The following XXYLT1 variants were observed in gnomAD, a reference collection of about 807,000 sequenced individuals.
The protein encoded by XXYLT1 is UDP-xylose:alpha-xyloside alpha-1,3-xylosyltransferase.
In XXYLT1, 20 loss-of-function variants were observed where a neutral mutation model predicts 28.9. The observed-to-expected ratio is 0.69, with a 90% confidence interval of 0.49 to 1.00. The LOEUF (loss-of-function observed/expected upper bound fraction) is 1.00, where lower values mean the gene tolerates loss of function less well. Ranked by LOEUF, XXYLT1 falls within the 50% of genes least tolerant of loss-of-function variation. The pLI, the probability that XXYLT1 is intolerant of heterozygous loss-of-function variation, is 0.00. For synonymous variants in XXYLT1, 257 were observed against 253.8 expected (o/e 1.01, Z -0.12); for missense variants, 542 against 560.1 (o/e 0.97, Z 0.33).
Position 195,078,248 on chromosome 3 carries a change from G to A in XXYLT1, c.786-8137C>T, listed in dbSNP as rs143730579. The stretch of plus-strand genomic sequence containing the variant: ...ATAAGCAGAGAGCACCAAGCAGGTG[G>A]TACGGAATTCTGGAGAGTTCTGACA... On this transcript the variant is annotated intron_variant, in intron 3 of 3. Coordinates refer to ENST00000310380, the MANE Select transcript of XXYLT1 (RefSeq NM_152531.5). The surrounding 1 kb of genome is among the most constrained non-coding windows in gnomAD (Gnocchi z 5.0). Among the ~76,000 whole-genome samples, 1 of 152,156 alleles carries A rather than the reference G, an allele frequency of 6.6e-6. No homozygotes were observed. Among genetic ancestry groups the A allele is most frequent in the African/African-American group, 2.4e-5 (1 of 41,518 alleles).
At chr3:195,269,283 A>T (rs1317442942) in intron 1 of XXYLT1, among the ~76,000 whole-genome samples, 1 of 152,180 alleles carries the variant, frequency 6.6e-6, no homozygotes, top group Non-Finnish European at 1.5e-5. Context: ...GAACTAGTGC[A>T]AAGTTTCTCA....
intron 1 of XXYLT1, among the ~76,000 whole-genome samples, chr3:195,244,796 T>A (rs1347204664): frequency 2.1e-5 from 3 of 141,908 alleles, no homozygotes; most frequent in African/African-American, 7.9e-5. Context: ...ATGTTTCATT[T>A]AAAAATTTTT....
At chr3:195,128,823 TA>T in intron 3 of XXYLT1, among the ~76,000 whole-genome samples, 1 of 152,238 alleles carries the variant, frequency 6.6e-6, no homozygotes, top group East Asian at 1.9e-4. Flanking sequence ...TGGAGACTTT[TA>T]TTTCTGTCTC....
chr3:195,077,290 A>G lies in XXYLT1; in HGVS notation c.786-7179T>C, dbSNP rs1715177367. On this transcript the variant is annotated intron_variant, in intron 3 of 3. Transcript: ENST00000310380. The surrounding 1 kb of genome is among the most constrained non-coding windows in gnomAD (Gnocchi z 4.8). ...AGATGTCCAAAAGCTCCCCCTTGCA[A>G]CATCTCCTGCAATCTCAACCCAGAG... Among the ~76,000 whole-genome samples the G allele has an allele frequency of 6.6e-6, 1 of 152,168 alleles. No homozygotes were observed. Among genetic ancestry groups the G allele is most frequent in the African/African-American group, 2.4e-5 (1 of 41,446 alleles).
chr3:195,109,477 CAT>C (rs1483738800), intron 3 of XXYLT1, among the ~76,000 whole-genome samples: 1 of 141,944 alleles, frequency 7.0e-6, no homozygotes, highest in Non-Finnish European at 1.5e-5. Context: ...TATATGTGTG[CAT>C]GTGTGTGTGA....
At chr3:195,102,155 T>TA (rs1716826920) in intron 3 of XXYLT1, among the ~76,000 whole-genome samples, 1 of 152,098 alleles carries the variant, frequency 6.6e-6, no homozygotes, top group South Asian at 2.1e-4. Flanking sequence ...CAGAATAGAA[T>TA]GAATGTCTTC....
intron 3 of XXYLT1, among the ~76,000 whole-genome samples, chr3:195,138,644 G>A (rs1719319584): frequency 6.6e-6 from 1 of 152,050 alleles, no homozygotes; most frequent in Non-Finnish European, 1.5e-5. Context: ...GGTCACAAGT[G>A]AGGAGTTTGA....
chr3:195,226,747 A>C lies in XXYLT1; in HGVS notation c.614T>G (p.Phe205Cys). ...CTGATGCATGGCGACCGAGAGGAAG[A>C]AGATGGAGTCACTGTAGTAGGTTCC... ...GLGTYYSDSI[F>C]FLSVAMHQIM... The change falls in exon 2 of 4, where the codon TTC becomes TGC. Residue 205 changes from phenylalanine to cysteine, a missense_variant. By Grantham distance (205) the Phe-to-Cys change is radical. Transcript: ENST00000310380. 6.2e-7 allele frequency: 1 copy of C among 1,613,802 alleles called. No individual in the cohort carries two copies. Among genetic ancestry groups the C allele is most frequent in the Non-Finnish European group, 8.5e-7 (1 of 1,179,940 alleles).
At chr3:195,161,299 C>T (rs893184384) in intron 2 of XXYLT1, among the ~76,000 whole-genome samples, 1 of 152,142 alleles carries the variant, frequency 6.6e-6, no homozygotes, top group Non-Finnish European at 1.5e-5. Context: ...TCGCCTCGCT[C>T]GATAGTTTGC....
At chr3:195,087,833 C>T (rs879766407) in intron 3 of XXYLT1, among the ~76,000 whole-genome samples, 28 of 152,072 alleles carry the variant, frequency 1.8e-4, no homozygotes, top group African/African-American at 2.9e-4. Flanking sequence ...GCGCACCGTG[C>T]GCGAGCCGAA....
intron 3 of XXYLT1, among the ~76,000 whole-genome samples, chr3:195,142,074 A>G (rs1411391300): frequency 6.6e-6 from 1 of 152,108 alleles, no homozygotes; most frequent in Non-Finnish European, 1.5e-5. Context: ...CTGACCCCAA[A>G]TATGTAAGCC....
At position 195,084,146 on chromosome 3, in the gene XXYLT1, C is replaced by A. The variant is rs930537113; in HGVS notation, c.786-14035G>T. On this transcript the variant is annotated intron_variant, in intron 3 of 3. Transcript: ENST00000310380. ...AGAGCTGGAGTGAGAAATAACATCA[C>A]AGAAAGGATTCCTAGCGGGCTTTGG... Among the ~76,000 whole-genome samples the A allele has an allele frequency of 3.3e-5, 5 of 152,176 alleles. No individual in the cohort carries two copies. The South Asian group carries it at 1.0e-3, about 31-fold the overall frequency.
At chr3:195,211,933 A>G (rs1197373742) in intron 2 of XXYLT1, among the ~76,000 whole-genome samples, 43 of 114,574 alleles carry the variant, frequency 3.8e-4, no homozygotes, top group African/African-American at 1.5e-3. Context: ...TGGAGGAGGA[A>G]AGGGGGCAAG....
At position 195,181,647 on chromosome 3, in the gene XXYLT1, T is replaced by C. The variant is rs567294368; in HGVS notation, c.653-25066A>G. On this transcript the variant is annotated intron_variant, in intron 2 of 3. Transcript: ENST00000310380. Reference sequence around the variant, plus strand: ...TTTCCATGGATAATGTATCCAGCCATGTGCTGGATCCTCTCACCCTCATTT... The same window carrying C: ...TTTCCATGGATAATGTATCCAGCCACGTGCTGGATCCTCTCACCCTCATTT... 2.2e-4 allele frequency among the ~76,000 whole-genome samples: 33 copies of C among 152,258 alleles called. 1 individual carries two copies. The highest frequency in any genetic ancestry group is 7.7e-4 in the African/African-American group (32 of 41,544).
chr3:195,251,855 C>A (rs1373130179), intron 1 of XXYLT1, among the ~76,000 whole-genome samples: 1 of 152,200 alleles, frequency 6.6e-6, no homozygotes, highest in Non-Finnish European at 1.5e-5. Flanking sequence ...AAGATGCACA[C>A]ACCCCAGGAC....
At chr3:195,142,705 C>T (rs968656633) in intron 3 of XXYLT1, among the ~76,000 whole-genome samples, 2 of 152,248 alleles carry the variant, frequency 1.3e-5, no homozygotes, top group East Asian at 3.8e-4. Flanking sequence ...AGCAGGCAGC[C>T]GGGGCTGGGG....
intron 2 of XXYLT1, among the ~76,000 whole-genome samples, chr3:195,178,794 G>T (rs2108732327): frequency 6.6e-6 from 1 of 152,344 alleles, no homozygotes; most frequent in African/African-American, 2.4e-5. Context: ...ACATGGGGAA[G>T]CCGGGACTGT....
chr3:195,248,961 G>A (rs539004257), intron 1 of XXYLT1, among the ~76,000 whole-genome samples: 29 of 152,214 alleles, frequency 1.9e-4, no homozygotes, highest in Non-Finnish European at 3.5e-4. Flanking sequence ...ACCCAGTCTC[G>A]GGTATGTCTT....
intron 2 of XXYLT1, chr3:195,175,895 G>GA (rs111780152): frequency 0.011 from 11,855 of 1,086,574 alleles, 38 homozygotes; most frequent in African/African-American, 0.049. Context: ...GTGTGGGAAA[G>GA]AAAAAAAAAA....
Sources: allele counts gnomAD v4.1 joint callset (sites outside exome capture counted in the v4.1 genomes callset), GRCh38; gene constraint gnomAD v4.1.1; non-coding constraint Gnocchi (gnomAD v3.1); transcripts MANE v1.5; gene names NCBI Gene and HGNC (gene_info 2026-07-23, HGNC 2026-07-21).